MCC: variants seen among roughly 807,000 people sequenced by gnomAD.
MCC encodes colorectal mutant cancer protein.
MCC carries 90 observed loss-of-function variants against 116.2 expected under a neutral mutation model. That is an observed-to-expected ratio of 0.77 (90% CI 0.65 to 0.92). The LOEUF (loss-of-function observed/expected upper bound fraction) is 0.92. MCC is among the 40% of genes least tolerant of loss of function. The pLI, the probability that MCC is intolerant of heterozygous loss-of-function variation, is 0.00. For missense variants in MCC, 1,516 were observed against 1,312.2 expected (o/e 1.16, Z -2.40); for synonymous variants, 578 against 510.5 (o/e 1.13, Z -1.78).
chr5:113,456,469 T>A (rs1249901205), intron 1 of MCC, among the ~76,000 whole-genome samples: 6 of 152,022 alleles, frequency 3.9e-5, no homozygotes, highest in Non-Finnish European at 5.9e-5. Context: ...ACTACCCTTT[T>A]TTTTTGAGAC....
chr5:113,363,437 A>T (rs1768600368), intron 2 of MCC, among the ~76,000 whole-genome samples: 1 of 152,198 alleles, frequency 6.6e-6, no homozygotes, highest in Non-Finnish European at 1.5e-5. Flanking sequence ...ATTATGGCAG[A>T]AGGCAAAGGG....
chr5:113,384,817 TG>T, intron 2 of MCC, 150 bp downstream of exon 2: 1 of 783,356 alleles, frequency 1.3e-6, no homozygotes. Flanking sequence ...GGGGAAACAG[TG>T]AGCACTCCCC....
intron 5 of MCC, among the ~76,000 whole-genome samples, chr5:113,136,640 T>C (rs1035887647): frequency 2.0e-5 from 3 of 152,204 alleles, no homozygotes; most frequent in African/African-American, 7.2e-5. Context: ...CTTATTTGAT[T>C]CTCTGATTGT....
chr5:113,403,159 C>G (rs1394074900), intron 1 of MCC, among the ~76,000 whole-genome samples: 1 of 152,050 alleles, frequency 6.6e-6, no homozygotes, highest in Non-Finnish European at 1.5e-5. Flanking sequence ...CTAAAACTAT[C>G]CCTTACCTTA....
intron 2 of MCC, among the ~76,000 whole-genome samples, chr5:113,360,946 C>T (rs1384743784): frequency 1.3e-5 from 2 of 152,120 alleles, no homozygotes; most frequent in Admixed American, 1.3e-4. Context: ...CAGGACATGC[C>T]CTTAGCTAGC....
At chr5:113,445,516 A>C (rs924648881) in intron 1 of MCC, among the ~76,000 whole-genome samples, 2 of 152,188 alleles carry the variant, frequency 1.3e-5, no homozygotes, top group Non-Finnish European at 2.9e-5. Flanking sequence ...CACGAAAAAT[A>C]AAATAGGAAT....
chr5:113,340,908 G>T (rs1213222643), intron 2 of MCC, among the ~76,000 whole-genome samples, 178 bp from the exon 3 acceptor site: 1 of 152,160 alleles, frequency 6.6e-6, no homozygotes, highest in Non-Finnish European at 1.5e-5. Context: ...TGGGGAGCCT[G>T]GAGATAAAAG....
intron 5 of MCC, among the ~76,000 whole-genome samples, chr5:113,136,132 A>G (rs1758810144): frequency 6.6e-6 from 1 of 152,260 alleles, no homozygotes; most frequent in Admixed American, 6.5e-5. Context: ...GAATATATGC[A>G]TAGCGTAGCC....
chr5:113,043,871 C>A (rs939695426), intron 16 of MCC, among the ~76,000 whole-genome samples: 2 of 152,260 alleles, frequency 1.3e-5, no homozygotes, highest in African/African-American at 2.4e-5. Context: ...CCAGTATGCT[C>A]TGAGCAGCCG....
Position 113,068,117 on chromosome 5 carries a change from C to G in MCC, c.1992G>C (p.Leu664=). ...CCACGCCCGCCGCTCGGAACTGCCC[C>G]AGGATGAGGCTCTGCTCACTCTCTG... is the stretch of plus-strand genomic sequence containing the variant. ...ALAESEQSLI[L]GQFRAAGVGS... Residue 664 remains leucine, a synonymous_variant, in exon 13 of 19, where the codon CTG becomes CTC. Coordinates refer to ENST00000408903, the MANE Select transcript of MCC (RefSeq NM_001085377.2). 6.2e-7 allele frequency: 1 copy of G among 1,614,204 alleles called. No homozygotes were observed. The highest frequency in any genetic ancestry group is 8.5e-7 in the Non-Finnish European group (1 of 1,180,032).
At position 113,487,077 on chromosome 5, in the gene MCC, T is replaced by C. The variant is rs116895844; in HGVS notation, c.170+1168A>G. On this transcript the variant is annotated intron_variant, in intron 1 of 18. Transcript: ENST00000408903. Reference sequence around the variant, plus strand: ...ATCAAGTTTTCTGATATCTTCCTAATGTTTCTCAGTAAAACTTTAGCAAAG... The same window carrying C: ...ATCAAGTTTTCTGATATCTTCCTAACGTTTCTCAGTAAAACTTTAGCAAAG... 8.5e-4 allele frequency among the ~76,000 whole-genome samples: 129 copies of C among 152,298 alleles called. 1 individual carries two copies. The East Asian group carries it at 0.023, about 27-fold the overall frequency.
At chr5:113,132,942 G>C in intron 5 of MCC, among the ~76,000 whole-genome samples, 1 of 152,104 alleles carries the variant, frequency 6.6e-6, no homozygotes, top group Admixed American at 6.6e-5. Flanking sequence ...CTCTGATGGA[G>C]AACTCCCTAA....
intron 5 of MCC, 51 bp from the exon 6 acceptor site, chr5:113,122,877 C>A (rs1037203558): frequency 7.6e-6 from 12 of 1,575,342 alleles, no homozygotes; most frequent in Non-Finnish European, 1.0e-5. Context: ...TAAGACAACC[C>A]CCTAGAGAAT....
At chr5:113,468,380 T>A (rs1302896345) in intron 1 of MCC, among the ~76,000 whole-genome samples, 1 of 152,226 alleles carries the variant, frequency 6.6e-6, no homozygotes, top group East Asian at 1.9e-4. Context: ...TATTGAGAGT[T>A]TTTAGCATGA....
At chr5:113,305,219 G>A (rs1766959991) in intron 3 of MCC, among the ~76,000 whole-genome samples, 1 of 152,068 alleles carries the variant, frequency 6.6e-6, no homozygotes, top group Non-Finnish European at 1.5e-5. Context: ...ATGAAGAATG[G>A]GCTCCTGCCT....
At chr5:113,162,069 TG>T (rs1760516983) in intron 3 of MCC, among the ~76,000 whole-genome samples, 1 of 152,128 alleles carries the variant, frequency 6.6e-6, no homozygotes, top group Non-Finnish European at 1.5e-5. Flanking sequence ...CCCTCTCTGA[TG>T]GGGCCCTGCT....
intron 3 of MCC, among the ~76,000 whole-genome samples, chr5:113,248,704 T>C (rs1764665547): frequency 6.6e-6 from 1 of 152,186 alleles, no homozygotes; most frequent in South Asian, 2.1e-4. Flanking sequence ...AGCAAAGCTA[T>C]TTCCACCTTC....
intron 3 of MCC, among the ~76,000 whole-genome samples, chr5:113,161,059 C>T (rs1257624023): frequency 2.0e-5 from 3 of 152,072 alleles, no homozygotes; most frequent in Non-Finnish European, 4.4e-5. Flanking sequence ...ACAATAGTAG[C>T]TATTAAAAAT....
At chr5:113,337,689 C>A (rs1048920837) in intron 3 of MCC, among the ~76,000 whole-genome samples, 1 of 152,142 alleles carries the variant, frequency 6.6e-6, no homozygotes, top group African/African-American at 2.4e-5. Flanking sequence ...TAACTAGACA[C>A]TGATAAAATG....
Sources: gnomAD v4.1 joint callset for allele counts (sites outside exome capture counted in the v4.1 genomes callset) on GRCh38, gnomAD v4.1.1 for gene constraint, MANE v1.5 for transcripts, NCBI Gene and HGNC (gene_info 2026-07-23, HGNC 2026-07-21) for gene names.